Variants in PTPRD observed in about 807,000 individuals in gnomAD.
PTPRD encodes receptor-type tyrosine-protein phosphatase delta.
In PTPRD, 34 loss-of-function variants were observed where a neutral mutation model predicts 214.5. The ratio of observed to expected loss-of-function variants is 0.16; its 90% CI spans 0.12 to 0.21. The LOEUF is 0.21. Among genes scored for constraint, PTPRD ranks in the 10% least tolerant of loss-of-function variants. The probability of loss-of-function intolerance (pLI) is 1.00; values close to 1 mark genes in which losing one functional copy is unlikely to be tolerated. For missense variants in PTPRD, 2,545 were observed against 2,398.7 expected, an observed-to-expected ratio of 1.06 and a Z score of -1.27; for synonymous variants, 1,128 against 845.7, an observed-to-expected ratio of 1.33 and a Z score of -5.79.
chr9:9,864,935 G>A (rs1385355322), intron 5 of PTPRD, among the ~76,000 whole-genome samples: 3 of 151,966 alleles, frequency 2.0e-5, no homozygotes, highest in Non-Finnish European at 4.4e-5. Flanking sequence ...ATAAAATAAT[G>A]ATTTTTAATG....
chr9:8,746,741 C>T (rs551969090), intron 11 of PTPRD, among the ~76,000 whole-genome samples: 3 of 152,266 alleles, frequency 2.0e-5, no homozygotes, highest in South Asian at 4.1e-4. Context: ...TGCCTGTAAT[C>T]CCAGTGCTTT....
intron 9 of PTPRD, among the ~76,000 whole-genome samples, chr9:9,249,287 G>C (rs1277379767): frequency 6.6e-6 from 1 of 151,978 alleles, no homozygotes; most frequent in East Asian, 1.9e-4. Context: ...GGCTACCTGA[G>C]GGCTCACCAG....
chr9:10,134,127 C>G (rs2098924384), intron 3 of PTPRD, among the ~76,000 whole-genome samples: 1 of 152,026 alleles, frequency 6.6e-6, no homozygotes, highest in South Asian at 2.1e-4. Context: ...CAGAGGTCTC[C>G]CAGCCTTGAG....
intron 2 of PTPRD, among the ~76,000 whole-genome samples, chr9:10,477,985 G>A (rs561439313): frequency 1.3e-5 from 2 of 151,596 alleles, no homozygotes; most frequent in South Asian, 4.2e-4. Context: ...TCAGGGGATG[G>A]GGGACAAGGG....
chr9:9,914,182 AC>A (rs1430513466), intron 5 of PTPRD, among the ~76,000 whole-genome samples: 4 of 151,862 alleles, frequency 2.6e-5, no homozygotes, highest in Admixed American at 6.6e-5. Flanking sequence ...CAGCTAATAC[AC>A]CCCCAGACTA....
At chr9:9,534,010 C>T (rs1363722066) in intron 8 of PTPRD, among the ~76,000 whole-genome samples, 4 of 151,982 alleles carry the variant, frequency 2.6e-5, no homozygotes. Flanking sequence ...TAAACAGTGG[C>T]ATAGGCACAC....
At chr9:9,811,489 T>C (rs2047122490) in intron 5 of PTPRD, among the ~76,000 whole-genome samples, 1 of 152,020 alleles carries the variant, frequency 6.6e-6, no homozygotes, top group Non-Finnish European at 1.5e-5. Flanking sequence ...GGGCGGATCA[T>C]GAGGTCAGGA....
intron 14 of PTPRD, among the ~76,000 whole-genome samples, chr9:8,583,015 G>C (rs765902322): frequency 6.6e-6 from 1 of 152,174 alleles, no homozygotes; most frequent in African/African-American, 2.4e-5. Flanking sequence ...TTAATAAATT[G>C]GGGGTTATTG....
At chr9:10,356,954 T>G (rs2097290940) in intron 2 of PTPRD, among the ~76,000 whole-genome samples, 1 of 152,118 alleles carries the variant, frequency 6.6e-6, no homozygotes, top group Non-Finnish European at 1.5e-5. Flanking sequence ...GTGCTGGGAT[T>G]ACAAGTGTGA....
chr9:10,029,307 G>T (rs551037971), intron 4 of PTPRD, among the ~76,000 whole-genome samples: 2 of 152,302 alleles, frequency 1.3e-5, no homozygotes, highest in Admixed American at 1.3e-4. Flanking sequence ...CCCCACTGGG[G>T]CGCTGTCTAG....
chr9:10,033,403 G>T (rs1444211946), intron 4 of PTPRD, among the ~76,000 whole-genome samples: 2 of 151,552 alleles, frequency 1.3e-5, no homozygotes, highest in African/African-American at 2.4e-5. Flanking sequence ...GTGAGCCAAG[G>T]TGTCAATATA....
At chr9:9,090,860 A>G in intron 10 of PTPRD, 1 of 884,376 alleles carries the variant, frequency 1.1e-6, no homozygotes, top group Non-Finnish European at 1.9e-6. Flanking sequence ...CAGGTTAAAA[A>G]TTTCTTTAAA....
intron 9 of PTPRD, among the ~76,000 whole-genome samples, chr9:9,371,920 G>C (rs1270386127): frequency 0.011 from 1,715 of 152,238 alleles, 29 homozygotes; most frequent in African/African-American, 0.039. Context: ...TAGTTGAGCA[G>C]TTTTGAGTGA....
chr9:8,853,560 G>T (rs990146943), intron 11 of PTPRD, among the ~76,000 whole-genome samples: 6 of 152,078 alleles, frequency 3.9e-5, no homozygotes, highest in Non-Finnish European at 1.5e-5. Context: ...CTATCCTTTG[G>T]TAGAAATGTC....
At chr9:9,685,146 G>C (rs566110276) in intron 7 of PTPRD, among the ~76,000 whole-genome samples, 1 of 151,336 alleles carries the variant, frequency 6.6e-6, no homozygotes, top group African/African-American at 2.4e-5. Context: ...TAAGAAAGTT[G>C]ATTACCATCC....
intron 5 of PTPRD, among the ~76,000 whole-genome samples, chr9:9,828,929 T>G (rs999378522): frequency 6.6e-6 from 1 of 151,922 alleles, no homozygotes; most frequent in Non-Finnish European, 1.5e-5. Context: ...TTGCTGTAAA[T>G]GTAGACTTAC....
chr9:9,111,041 C>T (rs957656309), intron 10 of PTPRD, among the ~76,000 whole-genome samples: 1 of 151,984 alleles, frequency 6.6e-6, no homozygotes, highest in African/African-American at 2.4e-5. Flanking sequence ...ATGCCATCTA[C>T]ATCCTCATGG....
At chr9:9,543,789 T>G (rs2078138066) in intron 8 of PTPRD, among the ~76,000 whole-genome samples, 1 of 151,716 alleles carries the variant, frequency 6.6e-6, no homozygotes, top group Non-Finnish European at 1.5e-5. Context: ...TGTTGCACAC[T>G]TGATTTTTCT....
chr9:10,334,426 C>T (rs758943379), intron 3 of PTPRD, among the ~76,000 whole-genome samples: 26 of 145,798 alleles, frequency 1.8e-4, no homozygotes, highest in African/African-American at 5.7e-4. Context: ...ATCTATCCCA[C>T]CCCCCACCAC....
Sources: gnomAD v4.1 joint callset for allele counts (sites outside exome capture counted in the v4.1 genomes callset) on GRCh38, gnomAD v4.1.1 for gene constraint, MANE v1.5 for transcripts, NCBI Gene and HGNC (gene_info 2026-07-23, HGNC 2026-07-21) for gene names.